Variants in CNTNAP3B observed in about 807,000 individuals in gnomAD.
CNTNAP3B encodes the protein contactin-associated protein-like 3B.
CNTNAP3B carries 25 observed loss-of-function variants against 108.9 expected under a neutral mutation model. The ratio of observed to expected loss-of-function variants is 0.23; its 90% confidence interval spans 0.17 to 0.32. CNTNAP3B has a LOEUF of 0.32. Ranked by LOEUF, CNTNAP3B falls within the 10% of genes least tolerant of loss-of-function variation. CNTNAP3B has a pLI of 1.00. For missense variants in CNTNAP3B, 252 were observed against 1,210.4 expected (o/e 0.21, Z 11.75); for synonymous variants, 103 against 473.4 (o/e 0.22, Z 10.16).
At chr9:41,959,478 G>GATTT (rs1824991454) in intron 12 of CNTNAP3B, among the ~76,000 whole-genome samples, 1 of 152,300 alleles carries the variant, frequency 6.6e-6, no homozygotes, top group African/African-American at 2.4e-5. Flanking sequence ...TCTGAGCCTT[G>GATTT]ATTTCCTCAT....
chr9:41,930,145 G>A (rs1823934609), intron 14 of CNTNAP3B, among the ~76,000 whole-genome samples: 1 of 152,288 alleles, frequency 6.6e-6, no homozygotes, highest in Non-Finnish European at 1.5e-5. Context: ...AATGCAAAAT[G>A]AGTCCCACAG....
chr9:41,944,536 A>T (rs1402209126), intron 13 of CNTNAP3B, among the ~76,000 whole-genome samples: 2 of 152,290 alleles, frequency 1.3e-5, no homozygotes, highest in African/African-American at 4.8e-5. Flanking sequence ...AATTACCAAG[A>T]AATGTAATTA....
intron 1 of CNTNAP3B, among the ~76,000 whole-genome samples, chr9:42,123,112 C>T (rs1828498243): frequency 7.8e-6 from 1 of 128,742 alleles, no homozygotes; most frequent in African/African-American, 3.2e-5. Context: ...TGAAAATAAT[C>T]TCTGCTCCCA....
At chr9:42,119,465 A>C (rs1273655374) in intron 1 of CNTNAP3B, among the ~76,000 whole-genome samples, 1 of 129,328 alleles carries the variant, frequency 7.7e-6, no homozygotes, top group African/African-American at 3.2e-5. Flanking sequence ...TCTTCACAGA[A>C]TTGGAAAAAA....
intron 2 of CNTNAP3B, among the ~76,000 whole-genome samples, chr9:42,082,983 T>A (rs573295588): frequency 0.011 from 1,598 of 139,450 alleles, 254 homozygotes; most frequent in Non-Finnish European, 0.019. Flanking sequence ...ATAGCCTAAG[T>A]GTAAACACAT....
At chr9:41,940,620 T>G (rs1251571483) in intron 13 of CNTNAP3B, among the ~76,000 whole-genome samples, 1 of 152,254 alleles carries the variant, frequency 6.6e-6, no homozygotes, top group Non-Finnish European at 1.5e-5. Context: ...ATCGAGACCA[T>G]CCTGGCTAAC....
chr9:42,060,799 AG>A (rs1428928174), intron 3 of CNTNAP3B, among the ~76,000 whole-genome samples: 1 of 106,418 alleles, frequency 9.4e-6, no homozygotes, highest in Non-Finnish European at 1.9e-5. Flanking sequence ...CAATTTGTTG[AG>A]GTATACTTAT....
At chr9:41,938,739 T>C (rs1346023578) in intron 13 of CNTNAP3B, among the ~76,000 whole-genome samples, 2 of 152,276 alleles carry the variant, frequency 1.3e-5, no homozygotes, top group Non-Finnish European at 2.9e-5. Flanking sequence ...ACACTAAAGA[T>C]AAAATCTATT....
At chr9:42,111,460 C>A (rs377703506) in intron 1 of CNTNAP3B, among the ~76,000 whole-genome samples, 3 of 138,296 alleles carry the variant, frequency 2.2e-5, no homozygotes, top group Non-Finnish European at 4.6e-5. Flanking sequence ...AAAATAGTCA[C>A]GCTCCTAAGC....
In CNTNAP3B at chr9:41,962,871, C is replaced by A. The variant is rs1281134933; in HGVS notation, c.1756+1667G>T. On this transcript the variant is annotated intron_variant, in intron 11 of 23. Transcript: ENST00000377561. ...TCGGGAGGCTGAGGCAGGAGAATGG[C>A]GTGAACCCAGGAGGCGGAACTTGCA... is the stretch of plus-strand genomic sequence containing the variant. 2.6e-5 allele frequency among the ~76,000 whole-genome samples: 4 copies of A among 151,944 alleles called. No homozygotes were observed. In the South Asian group the frequency reaches 6.2e-4, roughly 24 times the overall value.
At chr9:41,965,107 G>A (rs1391519120) in intron 10 of CNTNAP3B, among the ~76,000 whole-genome samples, 3 of 152,282 alleles carry the variant, frequency 2.0e-5, no homozygotes, top group Admixed American at 1.3e-4. Flanking sequence ...TTTAATTTAG[G>A]TCATCTTGTC....
chr9:42,053,124 G>C, intron 3 of CNTNAP3B, among the ~76,000 whole-genome samples: 2 of 63,868 alleles, frequency 3.1e-5, no homozygotes, highest in Middle Eastern at 0.011. Flanking sequence ...AGGTATTTGT[G>C]ACCTGTATCT....
At position 41,981,892 on chromosome 9, in the gene CNTNAP3B, CAATAATAAT is replaced by C. The variant is rs1554746914; in HGVS notation, c.1477+4267_1477+4275del. On this transcript the variant is annotated intron_variant, in intron 9 of 23. Coordinates refer to ENST00000377561, the MANE Select transcript of CNTNAP3B (RefSeq NM_001201380.3). Reference sequence around the variant, plus strand: ...AATAACGAGACCTCGTCTCTACAAACAATAATAATAATAATAATAATAATAAATTAGCTG... The same window carrying C: ...AATAACGAGACCTCGTCTCTACAAACAATAATAATAATAATAAATTAGCTG... Among the ~76,000 whole-genome samples, 6 of 34,334 alleles carry C rather than the reference CAATAATAAT, an allele frequency of 1.7e-4. 1 individual carries two copies. Among genetic ancestry groups the C allele is most frequent in the South Asian group, 3.0e-3 (2 of 670 alleles). The allele number at this position is 34,334 out of a possible 152,430, so 22.5% of individuals were successfully genotyped here. A position where few individuals can be genotyped will look rare whatever the true frequency, so the allele number is the denominator to read the frequency against.
intron 3 of CNTNAP3B, among the ~76,000 whole-genome samples, chr9:42,056,305 G>C (rs1373466817): frequency 1.1e-4 from 15 of 130,542 alleles, no homozygotes; most frequent in Non-Finnish European, 2.1e-4. Flanking sequence ...TATAAACAAG[G>C]TTGAATATTA....
chr9:42,085,706 G>GT (rs1324127296), intron 2 of CNTNAP3B, among the ~76,000 whole-genome samples: 90 of 134,190 alleles, frequency 6.7e-4, no homozygotes, highest in Admixed American at 3.1e-3. Flanking sequence ...GCTGTCACAT[G>GT]TATCACTGGA....
In CNTNAP3B at chr9:42,097,522, A is replaced by T. The variant is rs1258020434; in HGVS notation, c.196+7107T>A. Among the ~76,000 whole-genome samples, 2 of 140,234 alleles carry T rather than the reference A, an allele frequency of 1.4e-5. 1 individual carries two copies. Among genetic ancestry groups the T allele is most frequent in the East Asian group, 4.3e-4 (2 of 4,660 alleles). The allele number at this position is 140,234 out of a possible 152,430, so 92.0% of individuals were successfully genotyped here. ...CATTTAGAGTCACTGATTCATTTCC[A>T]TAAAGCAGGAACTTTCCAAAATTTA... is the stretch of plus-strand genomic sequence containing the variant. On this transcript the variant is annotated intron_variant, in intron 2 of 23. Coordinates refer to ENST00000377561, the MANE Select transcript of CNTNAP3B (RefSeq NM_001201380.3).
chr9:41,952,638 T>C (rs1360577211), intron 13 of CNTNAP3B, among the ~76,000 whole-genome samples: 2 of 151,018 alleles, frequency 1.3e-5, no homozygotes, highest in Admixed American at 1.3e-4. Flanking sequence ...TATACATTTC[T>C]CAAGATATAA....
At chr9:42,035,311 G>A (rs1297578748) in intron 3 of CNTNAP3B, among the ~76,000 whole-genome samples, 1 of 145,572 alleles carries the variant, frequency 6.9e-6, no homozygotes, top group Non-Finnish European at 1.5e-5. Flanking sequence ...CCACGAGGCT[G>A]ACTTCTCCTA....
chr9:41,948,170 C>A (rs1260563953), intron 13 of CNTNAP3B, among the ~76,000 whole-genome samples: 1 of 148,998 alleles, frequency 6.7e-6, no homozygotes, highest in African/African-American at 2.5e-5. Flanking sequence ...TGGCTCACTG[C>A]AACCTCTGCC....
Sources: allele counts gnomAD v4.1 joint callset (sites outside exome capture counted in the v4.1 genomes callset), GRCh38; gene constraint gnomAD v4.1.1; transcripts MANE v1.5; gene names NCBI Gene and HGNC (gene_info 2026-07-23, HGNC 2026-07-21).